The following DUSP5 variants were observed in gnomAD, a reference collection of about 807,000 sequenced individuals.
DUSP5 encodes dual specificity protein phosphatase 5.
DUSP5 carries 22 observed loss-of-function variants against 33.6 expected under a neutral mutation model. The observed-to-expected ratio is 0.66, with a 90% confidence interval of 0.47 to 0.94. DUSP5 has a LOEUF of 0.94. Ranked by LOEUF, DUSP5 falls within the 40% of genes least tolerant of loss-of-function variation. The pLI is 0.00. For missense variants in DUSP5, 551 were observed against 522.1 expected, an observed-to-expected ratio of 1.06 and a Z score of -0.54; for synonymous variants, 270 against 231.1, an observed-to-expected ratio of 1.17 and a Z score of -1.53.
chr10:110,507,210 C>T (rs1860130154), intron 3 of DUSP5, 56 bp downstream of exon 3: 1 of 1,549,518 alleles, frequency 6.5e-7, no homozygotes, highest in Non-Finnish European at 8.8e-7. Context: ...GGCATGTGTT[C>T]TTGACTTTTG....
At chr10:110,498,932 C>T (rs1860001155) in intron 1 of DUSP5, among the ~76,000 whole-genome samples, 1 of 152,110 alleles carries the variant, frequency 6.6e-6, no homozygotes, top group Admixed American at 6.5e-5. Context: ...CGCCGTGGTG[C>T]CCCCCTTCCT....
At position 110,498,458 on chromosome 10, in the gene DUSP5, C is replaced by A; in HGVS notation, c.337C>A (p.Leu113Ile). Residue 113 changes from leucine to isoleucine, a missense_variant, in exon 1 of 4, where the codon CTC becomes ATC. By Grantham distance (5) the Leu-to-Ile change is conservative. Coordinates refer to ENST00000369583, the MANE Select transcript of DUSP5 (RefSeq NM_004419.4). ...SAARVVLTSL[L>I]ACLPAGPRVY... ...CGCGCGTGTCGTCCTCACCTCGCTA[C>A]TCGCTTGCCTACCCGCCGGCCCGCG... is the stretch of plus-strand genomic sequence containing the variant. 1 of 1,541,056 alleles carries A rather than the reference C, an allele frequency of 6.5e-7. No individual in the cohort carries two copies. The highest frequency in any genetic ancestry group is 8.7e-7 in the Non-Finnish European group (1 of 1,152,498).
Position 110,510,747 on chromosome 10 carries a change from C to CAA in DUSP5, c.*321_*322insAA, listed in dbSNP as rs1860181987. 7.7e-6 allele frequency: 2 copies of CAA among 259,752 alleles called. No individual in the cohort carries two copies. The highest frequency in any genetic ancestry group is 4.4e-5 in the African/African-American group (2 of 45,222). 16.1% of individuals were successfully genotyped at this position (259,752 alleles called of 1,614,324 possible). The stretch of plus-strand genomic sequence containing the variant: ...ATTTCAAGCATAAGGCAATAAATAC[C>CAA]TGCAGCAACGTGGGAGAAAGAAGTT... On this transcript the variant is annotated 3_prime_UTR_variant, in exon 4 of 4. Transcript: ENST00000369583.
At position 110,498,506 on chromosome 10, in the gene DUSP5, C is replaced by G. The variant is rs755030442; in HGVS notation, c.379+6C>G. The G allele has an allele frequency of 6.7e-7, 1 of 1,503,340 alleles. No individual in the cohort carries two copies. The highest frequency in any genetic ancestry group is 8.8e-7 in the Non-Finnish European group (1 of 1,133,590). 93.1% of individuals were successfully genotyped at this position (1,503,340 alleles called of 1,614,324 possible). A position where few individuals can be genotyped will look rare whatever the true frequency, so the allele number is the denominator to read the frequency against. The stretch of plus-strand genomic sequence containing the variant: ...GCGGGTCTACTTCCTCAAAGGTGAG[C>G]GCTCGGGGTCCCTGCCACGCTCGCC... On this transcript the variant is annotated splice_donor_region_variant and intron_variant, in intron 1 of 3. Transcript: ENST00000369583.
chr10:110,498,345 T>C lies in DUSP5; in HGVS notation c.224T>C (p.Leu75Pro). Residue 75 changes from leucine to proline, a missense_variant, in exon 1 of 4, where the codon CTC becomes CCC. Around this residue, in one of 3 missense-constraint regions of DUSP5, gnomAD observed 381 missense variants for 310.4 expected, o/e 1.23. Transcript: ENST00000369583. ...VLPDEAARAR[L>P]LQEGGGGVAA... ...CCCGACGAGGCGGCGCGCGCGCGGC[T>C]CCTGCAGGAGGGCGGCGGCGGCGTC... The C allele has an allele frequency of 1.5e-6, 2 of 1,350,950 alleles. No individual in the cohort carries two copies. The highest frequency in any genetic ancestry group is 1.9e-6 in the Non-Finnish European group (2 of 1,054,990). The allele number at this position is 1,350,950 out of a possible 1,614,324, so 83.7% of individuals were successfully genotyped here. A position where few individuals can be genotyped will look rare whatever the true frequency, so the allele number is the denominator to read the frequency against.
In DUSP5 at chr10:110,498,259, C is replaced by T. The variant is rs1208669367; in HGVS notation, c.138C>T (p.Asn46=). Residue 46 remains asparagine (N), a synonymous_variant, in exon 1 of 4, where the codon AAC becomes AAT. Transcript: ENST00000369583. ...ASNVRGSLNV[N]LNSVVLRRAR... ...ACGTGCGCGGCTCGCTCAACGTCAACCTCAACTCGGTGGTGCTGCGGCGGG... is the reference window on the plus strand; with the variant it reads ...ACGTGCGCGGCTCGCTCAACGTCAATCTCAACTCGGTGGTGCTGCGGCGGG... The T allele has an allele frequency of 1.3e-6, 2 of 1,500,640 alleles. No individual in the cohort carries two copies. The highest frequency in any genetic ancestry group is 2.9e-5 in the East Asian group (1 of 34,958). 93.0% of individuals were successfully genotyped at this position (1,500,640 alleles called of 1,614,324 possible).
At position 110,507,029 on chromosome 10, in the gene DUSP5, T is replaced by G; in HGVS notation, c.623T>G (p.Leu208Arg). The change falls in exon 3 of 4, where the codon CTG becomes CGG. Residue 208 changes from leucine to arginine, a missense_variant. By Grantham distance (102) the Leu-to-Arg change is moderately radical. Coordinates refer to ENST00000369583, the MANE Select transcript of DUSP5 (RefSeq NM_004419.4). ...CTCGCCAACCTGCACATCACAGCCC[T>G]GCTGAATGTCTCCCGACGGACCTCC... is the stretch of plus-strand genomic sequence containing the variant. The part of the protein sequence containing the change: ...EFLANLHITA[L>R]LNVSRRTSEA... The G allele has an allele frequency of 6.2e-7, 1 of 1,614,282 alleles. No homozygotes were observed. The highest frequency in any genetic ancestry group is 8.5e-7 in the Non-Finnish European group (1 of 1,180,050).
Position 110,508,444 on chromosome 10 carries a change from C to T in DUSP5, c.748+1290C>T, listed in dbSNP as rs573991350. The stretch of plus-strand genomic sequence containing the variant: ...CCTGTGTGTGTATTGTGTCTGTGTA[C>T]GCACAATCCACAAACCCACAGCAGT... On this transcript the variant is annotated intron_variant, in intron 3 of 3. Transcript: ENST00000369583. 4.6e-5 allele frequency among the ~76,000 whole-genome samples: 7 copies of T among 152,244 alleles called. No homozygotes were observed. The East Asian group carries it at 5.8e-4, about 13-fold the overall frequency.
chr10:110,498,077 C>T lies in DUSP5; in HGVS notation c.-45C>T, dbSNP rs1166281351. 6.1e-6 allele frequency: 7 copies of T among 1,152,882 alleles called. No individual in the cohort carries two copies. Among genetic ancestry groups the T allele is most frequent in the Non-Finnish European group, 7.4e-6 (7 of 944,162 alleles). 71.4% of individuals were successfully genotyped at this position (1,152,882 alleles called of 1,614,324 possible). On this transcript the variant is annotated 5_prime_UTR_variant, in exon 1 of 4. Coordinates refer to ENST00000369583, the MANE Select transcript of DUSP5 (RefSeq NM_004419.4). ...CGTGGACACCCTGGCCGTGGGCACCCGCGGGGCGCGCGGCGCGGGGCCGCT... is the reference window on the plus strand; with the variant it reads ...CGTGGACACCCTGGCCGTGGGCACCTGCGGGGCGCGCGGCGCGGGGCCGCT...
chr10:110,500,183 C>G (rs563890469), intron 1 of DUSP5, among the ~76,000 whole-genome samples: 1 of 152,160 alleles, frequency 6.6e-6, no homozygotes, highest in Non-Finnish European at 1.5e-5. Context: ...TGTATAGTCC[C>G]TGTCCTGCCT....
chr10:110,498,355 G>GGGCGGC lies in DUSP5; in HGVS notation c.242_247dup (p.Gly81_Gly82dup). ...CGGCGCGCGCGCGGCTCCTGCAGGAGGGCGGCGGCGGCGTCGCGGCCGTGG... is the reference window on the plus strand; with the variant it reads ...CGGCGCGCGCGCGGCTCCTGCAGGAGGGCGGCGGCGGCGGCGGCGTCGCGGCCGTGG... On this transcript the variant is annotated inframe_insertion, in exon 1 of 4. Transcript: ENST00000369583. 1.4e-6 allele frequency: 2 copies of GGGCGGC among 1,392,792 alleles called. No individual in the cohort carries two copies. Among genetic ancestry groups the GGGCGGC allele is most frequent in the East Asian group, 3.0e-5 (1 of 32,970 alleles). 86.3% of individuals were successfully genotyped at this position (1,392,792 alleles called of 1,614,324 possible). A position where few individuals can be genotyped will look rare whatever the true frequency, so the allele number is the denominator to read the frequency against.
rs575745731 is a variant in DUSP5, at chr10:110,510,670, C to T, written c.*244C>T. ...ATGTGCTGACTACTGTACTTCCAGACCCCTGCCCTCTTGGGACTGCCCAGT... is the reference window on the plus strand; with the variant it reads ...ATGTGCTGACTACTGTACTTCCAGATCCCTGCCCTCTTGGGACTGCCCAGT... On this transcript the variant is annotated 3_prime_UTR_variant, in exon 4 of 4. Coordinates refer to ENST00000369583, the MANE Select transcript of DUSP5 (RefSeq NM_004419.4). 5.4e-4 allele frequency: 265 copies of T among 487,682 alleles called. No individual in the cohort carries two copies. The highest frequency in any genetic ancestry group is 8.4e-4 in the Non-Finnish European group (237 of 282,178). 30.2% of individuals were successfully genotyped at this position (487,682 alleles called of 1,614,324 possible). A position where few individuals can be genotyped will look rare whatever the true frequency, so the allele number is the denominator to read the frequency against.
In DUSP5 at chr10:110,502,766, A is replaced by T; in HGVS notation, c.425A>T (p.Asp142Val). The part of the protein sequence containing the change: ...FYSEYPECCV[D>V]VKPISQEKIE... ...TCGGAATATCCTGAGTGTTGCGTGG[A>T]TGTAAAACCCATTTCACAAGAGAAG... Residue 142 changes from aspartate (D) to valine (V), a missense_variant, in exon 2 of 4, where the codon GAT becomes GTT. Coordinates refer to ENST00000369583, the MANE Select transcript of DUSP5 (RefSeq NM_004419.4). The T allele has an allele frequency of 6.2e-7, 1 of 1,614,118 alleles. No individual in the cohort carries two copies. Among genetic ancestry groups the T allele is most frequent in the East Asian group, 2.2e-5 (1 of 44,886 alleles).
chr10:110,500,161 A>G (rs1253028820), intron 1 of DUSP5, among the ~76,000 whole-genome samples: 1 of 152,196 alleles, frequency 6.6e-6, no homozygotes, highest in East Asian at 1.9e-4. Flanking sequence ...TATCTTAGAA[A>G]TAGATTGATT....
chr10:110,502,742 C>G lies in DUSP5; in HGVS notation c.401C>G (p.Ser134Trp), dbSNP rs556468724. Reference sequence around the variant, plus strand: ...GTAGGGGGATATGAGACTTTCTACTCGGAATATCCTGAGTGTTGCGTGGAT... The same window carrying G: ...GTAGGGGGATATGAGACTTTCTACTGGGAATATCCTGAGTGTTGCGTGGAT... Reference protein sequence around the residue: ...FLKGGYETFYSEYPECCVDVK... With the variant: ...FLKGGYETFYWEYPECCVDVK... Residue 134 changes from serine (S) to tryptophan (W), a missense_variant, in exon 2 of 4, where the codon TCG becomes TGG. Coordinates refer to ENST00000369583, the MANE Select transcript of DUSP5 (RefSeq NM_004419.4). 94 of 1,613,682 alleles carry G rather than the reference C, an allele frequency of 5.8e-5. No individual in the cohort carries two copies. Among genetic ancestry groups the G allele is most frequent in the Non-Finnish European group, 7.7e-5 (91 of 1,179,872 alleles).
In DUSP5 at chr10:110,498,501, G is replaced by A. The variant is rs749240776; in HGVS notation, c.379+1G>A. On this transcript the variant is annotated splice_donor_variant, in intron 1 of 3. Coordinates refer to ENST00000369583, the MANE Select transcript of DUSP5 (RefSeq NM_004419.4). LOFTEE classifies it high-confidence loss of function. ...GGCCCGCGGGTCTACTTCCTCAAAG[G>A]TGAGCGCTCGGGGTCCCTGCCACGC... 2.0e-6 allele frequency: 3 copies of A among 1,517,482 alleles called. No homozygotes were observed. The highest frequency in any genetic ancestry group is 1.8e-6 in the Non-Finnish European group (2 of 1,140,778). The allele number at this position is 1,517,482 out of a possible 1,614,324, so 94.0% of individuals were successfully genotyped here. A position where few individuals can be genotyped will look rare whatever the true frequency, so the allele number is the denominator to read the frequency against.
chr10:110,502,618 C>T, intron 1 of DUSP5, 103 bp from the exon 2 acceptor site: 32 of 1,361,018 alleles, frequency 2.4e-5, no homozygotes, highest in African/African-American at 7.3e-5. Flanking sequence ...TATTTTTTTT[C>T]TTAACTGTGT....
At chr10:110,505,138 T>A (rs1564773665) in intron 2 of DUSP5, among the ~76,000 whole-genome samples, 2 of 152,238 alleles carry the variant, frequency 1.3e-5, no homozygotes, top group African/African-American at 4.8e-5. Flanking sequence ...TTCCTTCCTG[T>A]CTTTACCTGA....
intron 1 of DUSP5, among the ~76,000 whole-genome samples, chr10:110,499,816 C>T (rs1217212203): frequency 6.6e-6 from 1 of 152,134 alleles, no homozygotes; most frequent in Non-Finnish European, 1.5e-5. Flanking sequence ...GTTTTTATCT[C>T]CTGTGGTTTG....
Sources: allele counts gnomAD v4.1 joint callset (sites outside exome capture counted in the v4.1 genomes callset), GRCh38; gene constraint gnomAD v4.1.1; regional missense constraint gnomAD v4.1.1; transcripts MANE v1.5; gene names NCBI Gene and HGNC (gene_info 2026-07-23, HGNC 2026-07-21).